The following STXBP5L variants were observed in gnomAD, a reference collection of about 807,000 sequenced individuals.
STXBP5L encodes syntaxin binding protein 5L, also known as syntaxin-binding protein 5-like.
STXBP5L carries 65 observed loss-of-function variants against 144.5 expected under a neutral mutation model. The ratio of observed to expected loss-of-function variants is 0.45; its 90% CI spans 0.37 to 0.55. The LOEUF (loss-of-function observed/expected upper bound fraction) is 0.55. STXBP5L is among the 20% of genes least tolerant of loss of function. STXBP5L has a pLI of 0.00. For synonymous variants in STXBP5L, 505 were observed against 469.6 expected (o/e 1.08, Z -0.97); for missense variants, 1,298 against 1,405.5 (o/e 0.92, Z 1.22).
chr3:121,030,085 G>T (rs540146184), intron 3 of STXBP5L, among the ~76,000 whole-genome samples: 27 of 152,284 alleles, frequency 1.8e-4, no homozygotes, highest in African/African-American at 6.5e-4. Flanking sequence ...TGGTGGGTGT[G>T]TAAATTAGTT....
chr3:121,060,772 A>G (rs902933855), intron 5 of STXBP5L, among the ~76,000 whole-genome samples: 2 of 152,192 alleles, frequency 1.3e-5, no homozygotes, highest in African/African-American at 4.8e-5. Flanking sequence ...AGGTGTTTAT[A>G]GTATTCTCTG....
Position 121,289,640 on chromosome 3 carries a change from C to T in STXBP5L, c.2110+9684C>T, listed in dbSNP as rs577844917. On this transcript the variant is annotated intron_variant, in intron 19 of 26. Coordinates refer to ENST00000471454, the MANE Select transcript of STXBP5L (RefSeq NM_001308330.2). Reference sequence around the variant, plus strand: ...ACATGGAACATTAACCAGGATAGACCATATGATAGGCCACAAAACAAGTCT... The same window carrying T: ...ACATGGAACATTAACCAGGATAGACTATATGATAGGCCACAAAACAAGTCT... 1.9e-4 allele frequency among the ~76,000 whole-genome samples: 29 copies of T among 152,176 alleles called. No homozygotes were observed. The South Asian group carries it at 5.4e-3, about 28-fold the overall frequency.
intron 3 of STXBP5L, 99 bp from the exon 4 acceptor site, chr3:121,041,601 C>A: frequency 4.5e-6 from 4 of 888,722 alleles, no homozygotes; most frequent in Non-Finnish European, 7.1e-6. Context: ...ATAAGGGAAA[C>A]CAAATAGCAA....
intron 2 of STXBP5L, among the ~76,000 whole-genome samples, chr3:120,945,969 G>T (rs983678653): frequency 1.3e-5 from 2 of 151,606 alleles, no homozygotes; most frequent in African/African-American, 4.8e-5. Context: ...TTTCATTCTG[G>T]TATCTGCAAC....
intron 20 of STXBP5L, among the ~76,000 whole-genome samples, chr3:121,363,040 C>T (rs901112761): frequency 6.6e-6 from 1 of 152,088 alleles, no homozygotes; most frequent in African/African-American, 2.4e-5. Flanking sequence ...CTGAGAGATA[C>T]GGCCTGGAAT....
intron 21 of STXBP5L, among the ~76,000 whole-genome samples, chr3:121,380,137 T>C (rs1479658406): frequency 6.6e-6 from 1 of 152,142 alleles, no homozygotes; most frequent in Non-Finnish European, 1.5e-5. Flanking sequence ...ATCACTGTAA[T>C]GAGAGGTGGG....
At chr3:121,186,976 C>G (rs895766122) in intron 9 of STXBP5L, among the ~76,000 whole-genome samples, 6 of 152,228 alleles carry the variant, frequency 3.9e-5, no homozygotes, top group Non-Finnish European at 8.8e-5. Flanking sequence ...GGACTGTAAA[C>G]TAGTTCAACC....
At chr3:121,154,796 C>T (rs988639989) in intron 8 of STXBP5L, among the ~76,000 whole-genome samples, 42 of 151,488 alleles carry the variant, frequency 2.8e-4, no homozygotes, top group African/African-American at 9.7e-4. Flanking sequence ...AATATCTAAA[C>T]CTCCTTCTAT....
At chr3:120,946,745 A>G (rs1427090527) in intron 2 of STXBP5L, among the ~76,000 whole-genome samples, 1 of 151,778 alleles carries the variant, frequency 6.6e-6, no homozygotes, top group Non-Finnish European at 1.5e-5. Context: ...TTATACTAAG[A>G]AAACTAAAAC....
At chr3:120,932,640 G>A (rs1037463459) in intron 2 of STXBP5L, among the ~76,000 whole-genome samples, 2 of 152,100 alleles carry the variant, frequency 1.3e-5, no homozygotes, top group Non-Finnish European at 2.9e-5. Flanking sequence ...TCAGTGTGGC[G>A]ATTCCTCAGG....
At chr3:120,983,624 C>T (rs796155620) in intron 3 of STXBP5L, among the ~76,000 whole-genome samples, 11 of 152,156 alleles carry the variant, frequency 7.2e-5, no homozygotes, top group African/African-American at 2.6e-4. Flanking sequence ...CCCTTTTATC[C>T]TGGAGGCCTG....
chr3:121,233,829 G>A lies in STXBP5L; in HGVS notation c.1184+141G>A, dbSNP rs1048204158. On this transcript the variant is annotated intron_variant, in intron 12 of 26. Transcript: ENST00000471454. ...CAGAAATGCACTTTGGTTCAATGGT[G>A]AAAATTAAACCAGAGGAATTTGGGA... 1.4e-5 allele frequency: 9 copies of A among 627,612 alleles called. No homozygotes were observed. The Admixed American group carries it at 3.4e-4, about 23-fold the overall frequency. The allele number at this position is 627,612 out of a possible 1,614,324, so 38.9% of individuals were successfully genotyped here.
At chr3:121,039,353 G>A (rs1422651436) in intron 3 of STXBP5L, among the ~76,000 whole-genome samples, 1 of 151,644 alleles carries the variant, frequency 6.6e-6, no homozygotes, top group East Asian at 1.9e-4. Context: ...TTTATGAATG[G>A]TATAATAGTA....
intron 9 of STXBP5L, among the ~76,000 whole-genome samples, chr3:121,181,578 G>A (rs1032563535): frequency 4.6e-5 from 7 of 151,870 alleles, no homozygotes; most frequent in Admixed American, 3.3e-4. Context: ...TACTAAAAAT[G>A]CAAAAATTAG....
At chr3:121,315,727 C>A (rs377345231) in intron 19 of STXBP5L, among the ~76,000 whole-genome samples, 2 of 151,952 alleles carry the variant, frequency 1.3e-5, no homozygotes, top group Non-Finnish European at 2.9e-5. Flanking sequence ...AGGGGCCAGG[C>A]GTGATGGCTC....
intron 3 of STXBP5L, among the ~76,000 whole-genome samples, chr3:120,973,700 C>A (rs1553758488): frequency 6.6e-6 from 1 of 151,780 alleles, no homozygotes; most frequent in Non-Finnish European, 1.5e-5. Flanking sequence ...CCCATCCCCC[C>A]ACCCCACAAC....
intron 3 of STXBP5L, among the ~76,000 whole-genome samples, chr3:120,995,075 C>T (rs1036518100): frequency 3.9e-5 from 6 of 152,046 alleles, no homozygotes; most frequent in African/African-American, 9.7e-5. Context: ...AAGACATTTA[C>T]CATTAAGGTA....
At chr3:121,196,453 A>G (rs987405953) in intron 9 of STXBP5L, among the ~76,000 whole-genome samples, 5 of 152,032 alleles carry the variant, frequency 3.3e-5, no homozygotes, top group Non-Finnish European at 7.4e-5. Context: ...TAATTCTCCC[A>G]GTCCATAAAA....
intron 5 of STXBP5L, among the ~76,000 whole-genome samples, chr3:121,100,460 A>C (rs916919840): frequency 6.6e-6 from 1 of 152,174 alleles, no homozygotes; most frequent in Non-Finnish European, 1.5e-5. Context: ...CCACACAATT[A>C]CATGAAAATC....
Sources: gnomAD v4.1 joint callset for allele counts (sites outside exome capture counted in the v4.1 genomes callset) on GRCh38, gnomAD v4.1.1 for gene constraint, MANE v1.5 for transcripts, NCBI Gene and HGNC (gene_info 2026-07-23, HGNC 2026-07-21) for gene names.